The following TRAPPC9 variants were observed in gnomAD, a reference collection of about 807,000 sequenced individuals.
The protein encoded by TRAPPC9 is trafficking protein particle complex subunit 9, also known as IKK2 binding protein.
In TRAPPC9, 83 loss-of-function variants were observed where a neutral mutation model predicts 124.0. The observed-to-expected ratio is 0.67, with a 90% CI of 0.56 to 0.80. The LOEUF (loss-of-function observed/expected upper bound fraction) is 0.80. Ranked by LOEUF, TRAPPC9 falls within the 30% of genes least tolerant of loss-of-function variation. The pLI is 0.00. For missense variants in TRAPPC9, 1,302 were observed against 1,508.3 expected, an observed-to-expected ratio of 0.86 and a Z score of 2.27; for synonymous variants, 638 against 617.5, an observed-to-expected ratio of 1.03 and a Z score of -0.49.
chr8:140,376,553 T>TAA (rs34319639), intron 7 of TRAPPC9, among the ~76,000 whole-genome samples: 38 of 49,746 alleles, frequency 7.6e-4, no homozygotes, highest in African/African-American at 1.2e-3. Flanking sequence ...AGACTCCATC[T>TAA]AAAAAAAAAA....
chr8:140,349,366 C>G (rs2067466324), intron 9 of TRAPPC9, among the ~76,000 whole-genome samples: 1 of 86,902 alleles, frequency 1.2e-5, no homozygotes, highest in South Asian at 3.5e-4. Flanking sequence ...GGGAAGGGCG[C>G]GCGAGGGAAG....
chr8:139,997,037 A>T (rs905430608), intron 18 of TRAPPC9, among the ~76,000 whole-genome samples: 3 of 152,054 alleles, frequency 2.0e-5, no homozygotes, highest in Non-Finnish European at 4.4e-5. Flanking sequence ...GTGAGCCATC[A>T]CGCCTGACCC....
In TRAPPC9 at chr8:139,730,688, T is replaced by C. The variant is rs1030235716; in HGVS notation, c.*373A>G. 1 of 260,310 alleles carries C rather than the reference T, an allele frequency of 3.8e-6. No homozygotes were observed. The highest frequency in any genetic ancestry group is 6.1e-5 in the South Asian group (1 of 16,354). The allele number at this position is 260,310 out of a possible 1,614,324, so 16.1% of individuals were successfully genotyped here. ...CTTTCTATGGCCAAAGGGAAGTCGC[T>C]GGACGAGGGAGGTCCCTCTGCTGGG... On this transcript the variant is annotated 3_prime_UTR_variant, in exon 23 of 23. Coordinates refer to ENST00000438773, the MANE Select transcript of TRAPPC9 (RefSeq NM_001160372.4).
At chr8:139,987,946 T>C (rs1837351917) in intron 19 of TRAPPC9, among the ~76,000 whole-genome samples, 1 of 152,138 alleles carries the variant, frequency 6.6e-6, no homozygotes, top group Non-Finnish European at 1.5e-5. Context: ...TGGCCAGCAA[T>C]TGGTAGTGCG....
intron 18 of TRAPPC9, among the ~76,000 whole-genome samples, chr8:140,013,246 G>A (rs960190297): frequency 1.2e-4 from 19 of 152,180 alleles, no homozygotes; most frequent in Admixed American, 3.3e-4. Context: ...CCGTGACCCC[G>A]CCTCTCCGTG....
chr8:140,038,198 G>T (rs991459058), intron 17 of TRAPPC9, among the ~76,000 whole-genome samples: 1 of 152,114 alleles, frequency 6.6e-6, no homozygotes, highest in African/African-American at 2.4e-5. Context: ...GGACTGCTGT[G>T]AGAATTGAAT....
chr8:139,958,910 A>ACTGCATTCCAAGTCACACAGGGGAGCC (rs1835176722), intron 19 of TRAPPC9, among the ~76,000 whole-genome samples: 1 of 71,654 alleles, frequency 1.4e-5, no homozygotes, highest in Non-Finnish European at 3.3e-5. Context: ...ACAGGGGAGC[A>ACTGCATTCCAAGTCACACAGGGGAGCC]CTGCATTCCG....
intron 17 of TRAPPC9, among the ~76,000 whole-genome samples, chr8:140,194,015 G>A (rs1262486713): frequency 1.3e-5 from 2 of 152,168 alleles, no homozygotes; most frequent in African/African-American, 4.8e-5. Context: ...GTGCTTCCTT[G>A]GAGCCACAAA....
intron 17 of TRAPPC9, among the ~76,000 whole-genome samples, chr8:140,220,295 C>A (rs1404918333): frequency 6.6e-6 from 1 of 152,194 alleles, no homozygotes; most frequent in Non-Finnish European, 1.5e-5. Flanking sequence ...GCCCACCAGA[C>A]AGCACCCTCC....
intron 10 of TRAPPC9, among the ~76,000 whole-genome samples, chr8:140,301,138 A>G (rs925558466): frequency 6.6e-6 from 1 of 152,184 alleles, no homozygotes; most frequent in Admixed American, 6.5e-5. Context: ...AGTGGCAGCC[A>G]GACTCTGACC....
chr8:139,982,199 A>G (rs946207250), intron 19 of TRAPPC9, among the ~76,000 whole-genome samples: 3 of 152,268 alleles, frequency 2.0e-5, no homozygotes, highest in Non-Finnish European at 2.9e-5. Context: ...TTCACTAAGG[A>G]GAGACATCCA....
intron 17 of TRAPPC9, chr8:140,096,384 C>G (rs1179273023): frequency 2.0e-5 from 3 of 152,170 alleles, no homozygotes; most frequent in Non-Finnish European, 1.5e-5. Flanking sequence ...AACAGGATCC[C>G]TCTGGCCACA....
At chr8:140,455,101 A>G (rs2071606270) in intron 1 of TRAPPC9, among the ~76,000 whole-genome samples, 1 of 152,166 alleles carries the variant, frequency 6.6e-6, no homozygotes, top group African/African-American at 2.4e-5. Context: ...ATGTGTCCAC[A>G]CCAGAAACAT....
rs140624932 is a variant in TRAPPC9 at position 140,330,723 on chromosome 8, G to C, written c.1496-19349C>G. Among the ~76,000 whole-genome samples the C allele has an allele frequency of 5.1e-3, 780 of 152,236 alleles. 7 individuals are homozygous for C. The highest frequency in any genetic ancestry group is 0.018 in the African/African-American group (737 of 41,554). On this transcript the variant is annotated intron_variant, in intron 9 of 22. Coordinates refer to ENST00000438773, the MANE Select transcript of TRAPPC9 (RefSeq NM_001160372.4). ...CCAGAAGAAGAAATTATATTAAGAA[G>C]AAAGACCTGTACTACCCAGAGCAAT...
intron 21 of TRAPPC9, among the ~76,000 whole-genome samples, chr8:139,794,904 TG>T (rs1219646162): frequency 6.6e-6 from 1 of 152,208 alleles, no homozygotes; most frequent in African/African-American, 2.4e-5. Context: ...TGTGCCATCC[TG>T]AGTCACCTGA....
chr8:140,115,448 T>G (rs2060861932), intron 17 of TRAPPC9, among the ~76,000 whole-genome samples: 1 of 152,068 alleles, frequency 6.6e-6, no homozygotes, highest in Non-Finnish European at 1.5e-5. Flanking sequence ...TTTGTATTTT[T>G]AGTAGAGACG....
chr8:140,357,839 A>G (rs983948881), intron 9 of TRAPPC9, among the ~76,000 whole-genome samples: 1 of 152,176 alleles, frequency 6.6e-6, no homozygotes, highest in Non-Finnish European at 1.5e-5. Context: ...TGCAGGTACA[A>G]TCAAGAAAAG....
At position 140,451,451 on chromosome 8, in the gene TRAPPC9, G is replaced by C; in HGVS notation, c.-10-68C>G. On this transcript the variant is annotated intron_variant, in intron 1 of 22. Transcript: ENST00000438773. Reference sequence around the variant, plus strand: ...GAGTGCTGAGAGCCTACCCTGGGAGGCAGTGACTGTGACCTTCACTACCCA... The same window carrying C: ...GAGTGCTGAGAGCCTACCCTGGGAGCCAGTGACTGTGACCTTCACTACCCA... The C allele has an allele frequency of 4.4e-6, 6 of 1,371,324 alleles. No individual in the cohort carries two copies. In the South Asian group the frequency reaches 7.3e-5, roughly 17 times the overall value. 84.9% of individuals were successfully genotyped at this position (1,371,324 alleles called of 1,614,324 possible). A position where few individuals can be genotyped will look rare whatever the true frequency, so the allele number is the denominator to read the frequency against.
chr8:140,453,532 C>T (rs547353986), intron 1 of TRAPPC9, among the ~76,000 whole-genome samples: 1 of 40,240 alleles, frequency 2.5e-5, no homozygotes, highest in East Asian at 6.8e-4. Flanking sequence ...CACAACCCCA[C>T]CTCTACAGAC....
Sources: gnomAD v4.1 joint callset for allele counts (sites outside exome capture counted in the v4.1 genomes callset) on GRCh38, gnomAD v4.1.1 for gene constraint, MANE v1.5 for transcripts, NCBI Gene and HGNC (gene_info 2026-07-23, HGNC 2026-07-21) for gene names.